RBFOX3: variants seen among roughly 807,000 people sequenced by gnomAD.
RBFOX3 encodes RNA binding protein fox-1 homolog 3.
RBFOX3 carries 17 observed loss-of-function variants against 48.7 expected under a neutral mutation model. The ratio of observed to expected loss-of-function variants is 0.35; its 90% CI spans 0.24 to 0.52. RBFOX3 has a LOEUF of 0.52. Among genes scored for constraint, RBFOX3 ranks in the 20% least tolerant of loss-of-function variants. The pLI is 0.94. For synonymous variants in RBFOX3, 212 were observed against 209.5 expected (o/e 1.01, Z -0.10); for missense variants, 382 against 497.5 (o/e 0.77, Z 2.21).
chr17:79,167,207 C>T lies in RBFOX3; in HGVS notation c.-33-51459G>A, dbSNP rs151118602. ...AGAGACTTCCAGACAGTGCCAGGCA[C>T]ATGGCCAAGAACAAGCCCAGGTACA... On this transcript the variant is annotated intron_variant, in intron 4 of 14. Coordinates refer to ENST00000693108, the MANE Select transcript of RBFOX3 (RefSeq NM_001350451.2). 2.6e-3 allele frequency among the ~76,000 whole-genome samples: 402 copies of T among 152,346 alleles called. 1 individual carries two copies. Among genetic ancestry groups the T allele is most frequent in the African/African-American group, 9.3e-3 (388 of 41,596 alleles).
intron 1 of RBFOX3, among the ~76,000 whole-genome samples, chr17:79,568,543 T>C (rs1036474536): frequency 2.0e-5 from 3 of 152,112 alleles, no homozygotes; most frequent in African/African-American, 7.2e-5. Context: ...TAGGCAAACT[T>C]CTGCTGGTTC....
intron 4 of RBFOX3, among the ~76,000 whole-genome samples, chr17:79,170,458 C>T (rs76258112): frequency 0.035 from 5,309 of 152,164 alleles, 289 homozygotes; most frequent in African/African-American, 0.12. Flanking sequence ...CAGGGAGCCA[C>T]GGCCTGGGGG....
Position 79,463,632 on chromosome 17 carries a change from C to G in RBFOX3, c.-175+18822G>C, listed in dbSNP as rs545524094. On this transcript the variant is annotated intron_variant, in intron 2 of 14. Transcript: ENST00000693108. ...ACCTCCACCGCCATCGCCACCGCCA[C>G]TGCCACCGCCACCTCCACCACCATC... Among the ~76,000 whole-genome samples the G allele has an allele frequency of 1.0e-3, 154 of 148,328 alleles. 1 individual carries two copies. The highest frequency in any genetic ancestry group is 3.6e-3 in the Middle Eastern group (1 of 280).
upstream of RBFOX3, among the ~76,000 whole-genome samples, chr17:79,614,089 GC>G (rs1396749219): frequency 6.6e-6 from 1 of 152,224 alleles, no homozygotes; most frequent in Non-Finnish European, 1.5e-5. Flanking sequence ...GTGGCGGCCC[GC>G]CCTCACGGAG....
At chr17:79,389,059 CATGAATGAGA>C (rs2060974622) in intron 2 of RBFOX3, among the ~76,000 whole-genome samples, 5 of 152,200 alleles carry the variant, frequency 3.3e-5, no homozygotes, top group Non-Finnish European at 7.3e-5. Flanking sequence ...CCACACTGAC[CATGAATGAGA>C]ACAGAGACGG....
chr17:79,354,554 G>A (rs1270184428), intron 2 of RBFOX3, among the ~76,000 whole-genome samples: 1 of 152,256 alleles, frequency 6.6e-6, no homozygotes. Flanking sequence ...AACTAACCCC[G>A]GGACAGACTT....
At chr17:79,149,286 G>A (rs373801617) in intron 4 of RBFOX3, among the ~76,000 whole-genome samples, 11 of 152,314 alleles carry the variant, frequency 7.2e-5, no homozygotes, top group East Asian at 5.8e-4. Flanking sequence ...GCAGCATCTC[G>A]GGACCCCTCC....
At chr17:79,178,838 C>T (rs1435705577) in intron 4 of RBFOX3, among the ~76,000 whole-genome samples, 1 of 152,248 alleles carries the variant, frequency 6.6e-6, no homozygotes, top group Admixed American at 6.5e-5. Context: ...CCGACCTCAA[C>T]TACTTGTCTG....
At chr17:79,158,098 A>C (rs191604031) in intron 4 of RBFOX3, among the ~76,000 whole-genome samples, 60 of 151,536 alleles carry the variant, frequency 4.0e-4, no homozygotes, top group East Asian at 3.5e-3. Flanking sequence ...CATCCTTACA[A>C]GAAGAGGCGA....
Position 79,103,410 on chromosome 17 carries a change from C to T in RBFOX3, c.415-156G>A, listed in dbSNP as rs1159500728. On this transcript the variant is annotated intron_variant, in intron 7 of 14. Transcript: ENST00000693108. The surrounding 1 kb of genome is among the most constrained non-coding windows in gnomAD (Gnocchi z 6.1). ...AGGTGAGTTGAGGCAGAGACGCAGG[C>T]AGCCCAGAGGTCTGTCCTAGGGCCA... Among the ~76,000 whole-genome samples the T allele has an allele frequency of 1.3e-5, 2 of 152,074 alleles. No individual in the cohort carries two copies. Among genetic ancestry groups the T allele is most frequent in the Non-Finnish European group, 2.9e-5 (2 of 67,990 alleles).
At chr17:79,639,336 G>A in the RBFOX3 span, among the ~76,000 whole-genome samples, 44 of 151,954 alleles carry the variant, frequency 2.9e-4, no homozygotes, top group Admixed American at 1.1e-3. Context: ...CACCGCGCCC[G>A]GCTAATTTTT....
intron 4 of RBFOX3, among the ~76,000 whole-genome samples, chr17:79,202,958 A>G (rs986407972): frequency 1.3e-5 from 2 of 152,102 alleles, no homozygotes; most frequent in Non-Finnish European, 2.9e-5. Context: ...GTCTCAGCTC[A>G]GTAACGCACC....
chr17:79,286,179 G>A (rs780324098), intron 3 of RBFOX3, among the ~76,000 whole-genome samples: 6 of 152,182 alleles, frequency 3.9e-5, no homozygotes, highest in Non-Finnish European at 5.9e-5. Context: ...ACCCTCTGAC[G>A]TCATGTGGCT....
At chr17:79,472,542 A>C (rs2077181455) in intron 2 of RBFOX3, among the ~76,000 whole-genome samples, 1 of 152,188 alleles carries the variant, frequency 6.6e-6, no homozygotes, top group Non-Finnish European at 1.5e-5. Context: ...GTGAGGACAT[A>C]AGGAGAAGAT....
At chr17:79,097,836 A>G in intron 9 of RBFOX3, 91 bp from the exon 10 acceptor site, 1 of 1,376,638 alleles carries the variant, frequency 7.3e-7, no homozygotes, top group Non-Finnish European at 1.0e-6. Context: ...ACACCGGTGG[A>G]GCCCTTGGGA....
At chr17:79,201,598 G>T (rs1045680301) in intron 4 of RBFOX3, among the ~76,000 whole-genome samples, 1 of 152,178 alleles carries the variant, frequency 6.6e-6, no homozygotes, top group African/African-American at 2.4e-5. Flanking sequence ...GACTGTTCAC[G>T]ATCTCTCTTC....
intron 2 of RBFOX3, among the ~76,000 whole-genome samples, chr17:79,360,723 G>C (rs1010627976): frequency 1.3e-5 from 2 of 151,962 alleles, no homozygotes; most frequent in Non-Finnish European, 2.9e-5. Context: ...CAGCAATTTA[G>C]GAGAAGTTAA....
At chr17:79,131,290 T>C (rs1321220199) in intron 4 of RBFOX3, among the ~76,000 whole-genome samples, 1 of 151,680 alleles carries the variant, frequency 6.6e-6, no homozygotes, top group African/African-American at 2.4e-5. Flanking sequence ...TCCGTGTGTA[T>C]TCCATGTGCC....
chr17:79,139,077 C>T (rs145212735), intron 4 of RBFOX3, among the ~76,000 whole-genome samples: 1 of 150,116 alleles, frequency 6.7e-6, no homozygotes, highest in African/African-American at 2.5e-5. Context: ...CCCACACACA[C>T]ATGCACACAA....
Sources: allele counts gnomAD v4.1 joint callset (sites outside exome capture counted in the v4.1 genomes callset), GRCh38; gene constraint gnomAD v4.1.1; non-coding constraint Gnocchi (gnomAD v3.1); transcripts MANE v1.5; gene names NCBI Gene and HGNC (gene_info 2026-07-23, HGNC 2026-07-21).